Variants in ADAMTS17 observed in about 807,000 individuals in gnomAD.
ADAMTS17 encodes ADAM metallopeptidase with thrombospondin type 1 motif 17, also known as A disintegrin and metalloproteinase with thrombospondin motifs 17.
Under a neutral mutation model 141.5 loss-of-function variants are expected in ADAMTS17, and 113 were observed. The observed-to-expected ratio is 0.80, with a 90% CI of 0.69 to 0.93. ADAMTS17 has a LOEUF of 0.93. ADAMTS17 is among the 40% of genes least tolerant of loss of function. The pLI is 0.00. For missense variants in ADAMTS17, 1,659 were observed against 1,517.9 expected (o/e 1.09, Z -1.54); for synonymous variants, 768 against 630.6 (o/e 1.22, Z -3.27).
At chr15:100,189,829 G>A (rs541754200) in intron 8 of ADAMTS17, among the ~76,000 whole-genome samples, 19 of 152,328 alleles carry the variant, frequency 1.2e-4, no homozygotes, top group African/African-American at 4.3e-4. Context: ...ATCTGGGAAA[G>A]CCGTGGCCAA....
intron 3 of ADAMTS17, among the ~76,000 whole-genome samples, chr15:100,289,657 C>T (rs112532581): frequency 0.091 from 13,820 of 152,092 alleles, 706 homozygotes; most frequent in Non-Finnish European, 0.1. Context: ...ACATCAAAAC[C>T]TAATTCACCA....
rs546854532 is a variant in ADAMTS17, at chr15:100,039,897, A to G, written c.2591+8960T>C. Among the ~76,000 whole-genome samples the G allele has an allele frequency of 4.0e-4, 61 of 152,188 alleles. 1 individual carries two copies. Among genetic ancestry groups the G allele is most frequent in the African/African-American group, 1.5e-3 (61 of 41,536 alleles). ...TTTGCTCCATGTATTTTAGGGTCTC[A>G]TATGTTTATAATTGTTGTATCTTCC... On this transcript the variant is annotated intron_variant, in intron 18 of 21. Transcript: ENST00000268070.
chr15:100,322,923 T>C (rs985423953), intron 3 of ADAMTS17, among the ~76,000 whole-genome samples: 1 of 150,882 alleles, frequency 6.6e-6, no homozygotes, highest in Non-Finnish European at 1.5e-5. Context: ...CCATCTCTAC[T>C]AAAAATACAA....
At chr15:100,340,911 A>AG (rs2141996485) in intron 2 of ADAMTS17, 128 bp downstream of exon 2, 2 of 1,391,150 alleles carry the variant, frequency 1.4e-6, no homozygotes, top group Non-Finnish European at 9.7e-7. Flanking sequence ...GTGGAAAGGC[A>AG]GGGGGTTCCC....
At chr15:100,064,837 T>C (rs2033398385) in intron 15 of ADAMTS17, among the ~76,000 whole-genome samples, 1 of 152,208 alleles carries the variant, frequency 6.6e-6, no homozygotes, top group African/African-American at 2.4e-5. Context: ...AAACGTAGGC[T>C]GGTAATAATT....
At chr15:100,078,725 G>C (rs1266288379) in intron 15 of ADAMTS17, among the ~76,000 whole-genome samples, 1 of 152,164 alleles carries the variant, frequency 6.6e-6, no homozygotes, top group East Asian at 1.9e-4. Context: ...TAACTGGATT[G>C]CATCAAAACT....
At position 100,341,888 on chromosome 15, in the gene ADAMTS17, G is replaced by T. The variant is rs966333138; in HGVS notation, c.12C>A (p.Gly4=). The change falls in exon 1 of 22, where the codon GGC becomes GGA. Residue 4 remains glycine, a synonymous_variant. Coordinates refer to ENST00000268070, the MANE Select transcript of ADAMTS17 (RefSeq NM_139057.4). MCD[G]ALLPPLVLPV... ...GCAGGACGAGCGGAGGCAGCAGGGC[G>T]CCGTCACACATGGTACCCGGGACCG... 1 of 1,551,044 alleles carries T rather than the reference G, an allele frequency of 6.4e-7. No individual in the cohort carries two copies. The highest frequency in any genetic ancestry group is 8.7e-7 in the Non-Finnish European group (1 of 1,147,454).
intron 11 of ADAMTS17, 149 bp from the exon 12 acceptor site, chr15:100,132,301 AT>A: frequency 8.7e-7 from 1 of 1,153,906 alleles, no homozygotes; most frequent in Non-Finnish European, 1.2e-6. Flanking sequence ...ACGTTTGCTA[AT>A]TTTAGAGACA....
At chr15:100,118,014 A>G (rs992744331) in intron 12 of ADAMTS17, among the ~76,000 whole-genome samples, 3 of 152,192 alleles carry the variant, frequency 2.0e-5, no homozygotes, top group African/African-American at 7.2e-5. Context: ...ATGTTCAGAG[A>G]GCAAGACCAC....
chr15:99,978,748 C>G (rs2060420485), intron 20 of ADAMTS17: 1 of 152,270 alleles, frequency 6.6e-6, no homozygotes, highest in Admixed American at 6.5e-5. Context: ...TGGCTGCACA[C>G]TGGGATCTAC....
chr15:99,996,452 C>G (rs575812694), intron 19 of ADAMTS17, among the ~76,000 whole-genome samples: 26 of 152,124 alleles, frequency 1.7e-4, no homozygotes, highest in African/African-American at 6.3e-4. Context: ...TAGACAAAGA[C>G]AAAAAAATCA....
intron 4 of ADAMTS17, among the ~76,000 whole-genome samples, chr15:100,263,860 C>T (rs2142003857): frequency 6.6e-6 from 1 of 152,332 alleles, no homozygotes. Flanking sequence ...ATCAATACAT[C>T]AGCATCAGCA....
intron 12 of ADAMTS17, among the ~76,000 whole-genome samples, chr15:100,121,061 T>G (rs562556266): frequency 2.0e-5 from 3 of 152,160 alleles, no homozygotes; most frequent in Non-Finnish European, 4.4e-5. Context: ...AATTGAAAAG[T>G]ATAAGAACTG....
intron 7 of ADAMTS17, among the ~76,000 whole-genome samples, chr15:100,235,591 C>T (rs997059796): frequency 5.3e-5 from 8 of 152,120 alleles, no homozygotes; most frequent in Non-Finnish European, 1.2e-4. Context: ...AGAAGGACCC[C>T]GAGGAAGCTG....
intron 4 of ADAMTS17, among the ~76,000 whole-genome samples, chr15:100,277,287 T>C (rs990253522): frequency 6.6e-6 from 1 of 151,846 alleles, no homozygotes; most frequent in African/African-American, 2.4e-5. Context: ...GGGTGCAGGG[T>C]GTTTAATCAA....
intron 14 of ADAMTS17, among the ~76,000 whole-genome samples, chr15:100,099,902 T>C (rs937191271): frequency 6.6e-6 from 1 of 152,174 alleles, no homozygotes; most frequent in African/African-American, 2.4e-5. Context: ...CAGTGGCAAA[T>C]GTCCATCTTT....
chr15:100,275,572 G>C (rs559451332), intron 4 of ADAMTS17, among the ~76,000 whole-genome samples: 88 of 152,282 alleles, frequency 5.8e-4, no homozygotes, highest in African/African-American at 2.0e-3. Context: ...AGGTGACATG[G>C]GGTCCCTCAG....
chr15:100,168,020 C>T (rs2040016628), intron 8 of ADAMTS17, among the ~76,000 whole-genome samples: 2 of 152,194 alleles, frequency 1.3e-5, no homozygotes, highest in African/African-American at 4.8e-5. Flanking sequence ...TGTAAACCTC[C>T]CACTCTAAAC....
chr15:100,013,716 G>A (rs897173173), intron 18 of ADAMTS17, among the ~76,000 whole-genome samples: 1 of 152,166 alleles, frequency 6.6e-6, no homozygotes, highest in African/African-American at 2.4e-5. Flanking sequence ...AATCATCCCT[G>A]CATCCCTGGT....
Sources: allele counts gnomAD v4.1 joint callset (sites outside exome capture counted in the v4.1 genomes callset), GRCh38; gene constraint gnomAD v4.1.1; transcripts MANE v1.5; gene names NCBI Gene and HGNC (gene_info 2026-07-23, HGNC 2026-07-21).